LRP1B: variants seen among roughly 807,000 people sequenced by gnomAD.
LRP1B encodes LDL receptor related protein 1B.
A neutral mutation model predicts 556.6 loss-of-function variants in LRP1B; 217 were observed. The observed-to-expected ratio is 0.39, with a 90% CI of 0.35 to 0.44. The LOEUF is 0.44. LRP1B is among the 20% of genes least tolerant of loss of function. The pLI is 1.00. For missense variants in LRP1B, 5,053 were observed against 5,620.8 expected (o/e 0.90, Z 3.23); for synonymous variants, 2,047 against 1,865.8 (o/e 1.10, Z -2.50).
intron 1 of LRP1B, among the ~76,000 whole-genome samples, chr2:142,075,847 A>G (rs1705478154): frequency 6.6e-6 from 1 of 152,138 alleles, no homozygotes. Flanking sequence ...TTCAATCACA[A>G]TCAAAACTCA....
chr2:141,002,903 T>C (rs1436532925), intron 15 of LRP1B, among the ~76,000 whole-genome samples: 2 of 152,020 alleles, frequency 1.3e-5, no homozygotes, highest in Non-Finnish European at 1.5e-5. Context: ...TAATTCAAAG[T>C]CATATTCTTG....
intron 1 of LRP1B, among the ~76,000 whole-genome samples, chr2:141,951,088 T>C (rs1393382437): frequency 2.0e-5 from 3 of 152,174 alleles, no homozygotes; most frequent in Middle Eastern, 3.2e-3. Context: ...TTTTGTCCCA[T>C]AGTGATAATG....
chr2:140,549,075 C>T (rs1680452607), intron 43 of LRP1B, among the ~76,000 whole-genome samples: 2 of 152,094 alleles, frequency 1.3e-5, no homozygotes, highest in Admixed American at 6.5e-5. Flanking sequence ...CAATCACTTC[C>T]ATTTTTTTTC....
intron 83 of LRP1B, among the ~76,000 whole-genome samples, chr2:140,307,326 T>TG (rs1558788219): frequency 2.0e-5 from 3 of 151,970 alleles, no homozygotes; most frequent in Admixed American, 6.6e-5. Context: ...CAGTCCACAG[T>TG]AACTGGAAGT....
At position 140,383,220 on chromosome 2, in the gene LRP1B, T is replaced by C. The variant is rs1024650924; in HGVS notation, c.10531+2673A>G. On this transcript the variant is annotated intron_variant, in intron 67 of 90. Coordinates refer to ENST00000389484, the MANE Select transcript of LRP1B (RefSeq NM_018557.3). ...ACTGCCAAATGTAAATCAAAGTTCA[T>C]AACATTGATCAATAATATTTAGAAA... 1.2e-4 allele frequency among the ~76,000 whole-genome samples: 18 copies of C among 152,218 alleles called. No individual in the cohort carries two copies. The East Asian group carries it at 1.9e-3, about 16-fold the overall frequency.
chr2:141,627,133 A>G (rs982735128), intron 2 of LRP1B, among the ~76,000 whole-genome samples: 1 of 152,260 alleles, frequency 6.6e-6, no homozygotes, highest in African/African-American at 2.4e-5. Context: ...AGCAGCTATC[A>G]AGTCATTGAA....
At chr2:141,869,321 T>C (rs1036057466) in intron 1 of LRP1B, among the ~76,000 whole-genome samples, 1 of 152,050 alleles carries the variant, frequency 6.6e-6, no homozygotes. Flanking sequence ...GGCTACTACA[T>C]TGGATGGTAC....
chr2:141,193,423 T>G (rs1681607215), intron 6 of LRP1B, among the ~76,000 whole-genome samples: 1 of 151,990 alleles, frequency 6.6e-6, no homozygotes, highest in South Asian at 2.1e-4. Flanking sequence ...TAAAAAGGAA[T>G]GAGATTATGT....
At chr2:141,385,664 CCATT>C (rs1358442757) in intron 3 of LRP1B, among the ~76,000 whole-genome samples, 1 of 151,998 alleles carries the variant, frequency 6.6e-6, no homozygotes, top group Non-Finnish European at 1.5e-5. Context: ...TTTTTAAAAA[CCATT>C]CAGTAGAATG....
chr2:140,868,547 T>C (rs538081209), intron 25 of LRP1B, among the ~76,000 whole-genome samples: 1 of 152,074 alleles, frequency 6.6e-6, no homozygotes, highest in East Asian at 1.9e-4. Context: ...AAAAAAGCAC[T>C]TTGAGGAGTG....
chr2:141,966,203 A>G (rs1701561816), intron 1 of LRP1B, among the ~76,000 whole-genome samples: 1 of 151,960 alleles, frequency 6.6e-6, no homozygotes, highest in Admixed American at 6.6e-5. Context: ...ACAGCAGGAC[A>G]AAATTCTTGT....
intron 43 of LRP1B, among the ~76,000 whole-genome samples, chr2:140,565,981 C>T (rs544214549): frequency 1.3e-5 from 2 of 152,310 alleles, no homozygotes; most frequent in South Asian, 2.1e-4. Flanking sequence ...GGAGTCCACA[C>T]GGCTATGCTT....
intron 41 of LRP1B, among the ~76,000 whole-genome samples, chr2:140,655,799 C>T (rs945053320): frequency 6.0e-5 from 9 of 149,210 alleles, no homozygotes; most frequent in South Asian, 2.1e-4. Context: ...AAAAATTAGC[C>T]GGGCATAGTG....
At chr2:141,377,616 T>C (rs902154179) in intron 3 of LRP1B, among the ~76,000 whole-genome samples, 7 of 152,222 alleles carry the variant, frequency 4.6e-5, no homozygotes, top group Admixed American at 3.3e-4. Context: ...AAATGCACAA[T>C]TGAATTTCAA....
At chr2:140,499,410 A>T (rs919576607) in intron 55 of LRP1B, among the ~76,000 whole-genome samples, 3 of 151,876 alleles carry the variant, frequency 2.0e-5, no homozygotes, top group Non-Finnish European at 4.4e-5. Context: ...TTTGAAATGT[A>T]TCACATAGAA....
chr2:140,347,833 C>T (rs903530152), intron 77 of LRP1B, among the ~76,000 whole-genome samples: 2 of 151,818 alleles, frequency 1.3e-5, no homozygotes, highest in African/African-American at 2.4e-5. Flanking sequence ...GGAAAGTCTC[C>T]GTCAGTATTA....
intron 43 of LRP1B, among the ~76,000 whole-genome samples, chr2:140,586,263 T>C (rs934756448): frequency 1.1e-4 from 17 of 152,228 alleles, no homozygotes; most frequent in Non-Finnish European, 1.8e-4. Context: ...TTCCTAAGTG[T>C]CATTTTGTCT....
chr2:142,029,708 C>T (rs1357563894), intron 1 of LRP1B, among the ~76,000 whole-genome samples: 1 of 151,758 alleles, frequency 6.6e-6, no homozygotes, highest in Non-Finnish European at 1.5e-5. Flanking sequence ...CTTGTTTGTG[C>T]CTGTAGAAAG....
chr2:141,876,330 A>G (rs940322058), intron 1 of LRP1B, among the ~76,000 whole-genome samples: 4 of 152,132 alleles, frequency 2.6e-5, no homozygotes, highest in Admixed American at 2.6e-4. Context: ...AAGGGCAAAT[A>G]TCTTTAGAGG....
Sources: allele counts gnomAD v4.1 joint callset (sites outside exome capture counted in the v4.1 genomes callset), GRCh38; gene constraint gnomAD v4.1.1; transcripts MANE v1.5; gene names NCBI Gene and HGNC (gene_info 2026-07-23, HGNC 2026-07-21).